Variants in MRPL34 observed in about 807,000 individuals in gnomAD.
MRPL34 encodes the protein large ribosomal subunit protein bL34m.
In MRPL34, 8 loss-of-function variants were observed where a neutral mutation model predicts 6.7. The ratio of observed to expected loss-of-function variants is 1.20; its 90% CI spans 0.70 to 2.16. The LOEUF (loss-of-function observed/expected upper bound fraction) is 2.16. Ranked by LOEUF, MRPL34 falls within the 30% of genes most tolerant of loss-of-function variation. The probability of loss-of-function intolerance (pLI) is 0.00; values close to 1 mark genes in which losing one functional copy is unlikely to be tolerated. For synonymous variants in MRPL34, 59 were observed against 55.1 expected, an observed-to-expected ratio of 1.07 and a Z score of -0.31; for missense variants, 146 against 125.5, an observed-to-expected ratio of 1.16 and a Z score of -0.78.
chr19:17,293,088 T>C (rs1413813368), intron 1 of MRPL34, among the ~76,000 whole-genome samples: 1 of 125,572 alleles, frequency 8.0e-6, no homozygotes, highest in East Asian at 2.0e-4. Flanking sequence ...CTTCTTTTTT[T>C]CTTTTCTTTC....
At chr19:17,303,815 A>C (rs1382094511), upstream of MRPL34, among the ~76,000 whole-genome samples, 1 of 152,114 alleles carries the variant, frequency 6.6e-6, no homozygotes, top group East Asian at 1.9e-4. Context: ...CAGAGACTCC[A>C]AGATCTTTTT....
upstream of MRPL34, among the ~76,000 whole-genome samples, chr19:17,298,804 G>A (rs1383536516): frequency 1.5e-5 from 2 of 132,950 alleles, no homozygotes; most frequent in Non-Finnish European, 3.1e-5. Flanking sequence ...GCAGTGGTGT[G>A]ATCTTGGCTC....
intron 1 of MRPL34, chr19:17,292,905 C>T: frequency 1.3e-6 from 2 of 1,501,130 alleles, no homozygotes; most frequent in South Asian, 1.3e-5. Flanking sequence ...TGGGACTCCG[C>T]CATACACACA....
rs377027197 is a variant in MRPL34 at position 17,294,282 on chromosome 19, C to G, written c.214+1428C>G. ...TAGCTGTGGCGCCCCAGGTGCCCGC[C>G]TCTACCTCGGCCATGCGCTGGTCTT... On this transcript the variant is annotated intron_variant, in intron 1 of 2. Coordinates refer to the MRPL34 transcript ENST00000595444. 8.3e-5 allele frequency: 133 copies of G among 1,598,722 alleles called. 1 individual carries two copies. Among genetic ancestry groups the G allele is most frequent in the Admixed American group, 3.3e-4 (20 of 59,930 alleles).
rs150010983 is a variant in MRPL34 at position 17,294,731 on chromosome 19, G to A, written c.214+1877G>A. 582 of 1,614,208 alleles carry A rather than the reference G, an allele frequency of 3.6e-4. 1 individual carries two copies. Among genetic ancestry groups the A allele is most frequent in the Non-Finnish European group, 4.2e-4 (492 of 1,180,040 alleles). ...AGCAGTGCAGGACGCAGGTGGGCAT[G>A]TTGAAGATTGAGCAGAAGCTGGGCT... On this transcript the variant is annotated intron_variant, in intron 1 of 2. Transcript: ENST00000595444.
upstream of MRPL34, chr19:17,301,596 G>T (rs561881827): frequency 6.4e-7 from 1 of 1,565,468 alleles, no homozygotes; most frequent in African/African-American, 1.3e-5. Context: ...AGAAGATACC[G>T]TCGGTCACCC....
chr19:17,300,524 C>G (rs2074112554), upstream of MRPL34, among the ~76,000 whole-genome samples: 3 of 152,108 alleles, frequency 2.0e-5, no homozygotes, highest in African/African-American at 7.2e-5. Flanking sequence ...GTCGCCCAGG[C>G]TGGAGTGCAG....
intron 1 of MRPL34, among the ~76,000 whole-genome samples, chr19:17,293,067 A>G (rs1260601824): frequency 1.3e-5 from 2 of 151,046 alleles, no homozygotes; most frequent in Non-Finnish European, 2.9e-5. Context: ...GTATGCCAGG[A>G]GAAGGATTTT....
chr19:17,299,900 G>C (rs2074109877), upstream of MRPL34, among the ~76,000 whole-genome samples: 1 of 141,470 alleles, frequency 7.1e-6, no homozygotes, highest in Non-Finnish European at 1.6e-5. Flanking sequence ...GCGCGTGGTG[G>C]CCCCTTTTTT....
intron 1 of MRPL34, chr19:17,294,775 C>A: frequency 1.2e-6 from 2 of 1,614,226 alleles, no homozygotes; most frequent in Non-Finnish European, 8.5e-7. Context: ...GTAGGGCCCC[C>A]GCCATTGATC....
At chr19:17,305,599 G>C (rs2074141840), upstream of MRPL34, 2 of 450,668 alleles carry the variant, frequency 4.4e-6, no homozygotes, top group South Asian at 4.2e-5. Flanking sequence ...GAGAACTACA[G>C]CTCAGCTGCC....
chr19:17,294,991 T>C, intron 1 of MRPL34: 2 of 986,246 alleles, frequency 2.0e-6, no homozygotes, highest in Non-Finnish European at 3.0e-6. Context: ...TGGCTCCATC[T>C]TGGCTCACTG....
At chr19:17,299,793 CTTTGT>C, upstream of MRPL34, among the ~76,000 whole-genome samples, 1 of 151,552 alleles carries the variant, frequency 6.6e-6, no homozygotes, top group Non-Finnish European at 1.5e-5. Flanking sequence ...TTTTTGTTTG[CTTTGT>C]TTTGTTTTAG....
chr19:17,306,296 T>G lies in MRPL34; in HGVS notation c.196T>G (p.Trp66Gly), dbSNP rs2074147868. Reference sequence around the variant, plus strand: ...CATCAAACGCAAGAACAAGCACGGCTGGGTCCGGCGCCTGAGCACGCCGGC... The same window carrying G: ...CATCAAACGCAAGAACAAGCACGGCGGGGTCCGGCGCCTGAGCACGCCGGC... ...SNIKRKNKHG[W>G]VRRLSTPAGV... The change falls in exon 2 of 2, where the codon TGG becomes GGG. Residue 66 changes from tryptophan (W) to glycine (G), a missense_variant. Coordinates refer to ENST00000252602, the MANE Select transcript of MRPL34 (RefSeq NM_023937.4). 6.2e-7 allele frequency: 1 copy of G among 1,610,250 alleles called. No individual in the cohort carries two copies. Among genetic ancestry groups the G allele is most frequent in the Non-Finnish European group, 8.5e-7 (1 of 1,179,134 alleles).
At chr19:17,300,732 C>T (rs2074113485), upstream of MRPL34, 1 of 1,255,994 alleles carries the variant, frequency 8.0e-7, no homozygotes, top group East Asian at 2.4e-5. Context: ...CCTGCCTCGG[C>T]CTCCCAAAGT....
upstream of MRPL34, among the ~76,000 whole-genome samples, chr19:17,303,963 C>T (rs1489767250): frequency 1.4e-5 from 2 of 147,952 alleles, no homozygotes; most frequent in Non-Finnish European, 2.9e-5. Context: ...CCCCCCTACG[C>T]CCCCCCCTTT....
upstream of MRPL34, chr19:17,305,730 C>T: frequency 1.3e-6 from 1 of 744,756 alleles, no homozygotes; most frequent in Non-Finnish European, 2.3e-6. Flanking sequence ...ACTGGCGCGC[C>T]TCTGTTGCGC....
At chr19:17,299,347 G>A (rs2074107253), upstream of MRPL34, among the ~76,000 whole-genome samples, 1 of 151,620 alleles carries the variant, frequency 6.6e-6, no homozygotes, top group African/African-American at 2.4e-5. Context: ...GAATCACGAG[G>A]TCAGGAGATC....
At chr19:17,297,945 C>A, upstream of MRPL34, 1 of 141,032 alleles carries the variant, frequency 7.1e-6, no homozygotes, top group Non-Finnish European at 1.5e-5. Flanking sequence ...GATGGAGTCT[C>A]ACTCTGTCAC....
Sources: gnomAD v4.1 joint callset for allele counts (sites outside exome capture counted in the v4.1 genomes callset) on GRCh38, gnomAD v4.1.1 for gene constraint, MANE v1.5 for transcripts, NCBI Gene and HGNC (gene_info 2026-07-23, HGNC 2026-07-21) for gene names.